The following TTLL7 variants were observed in gnomAD, a reference collection of about 807,000 sequenced individuals.
TTLL7 encodes tubulin polyglutamylase TTLL7.
In TTLL7, 53 loss-of-function variants were observed where a neutral mutation model predicts 120.2. The ratio of observed to expected loss-of-function variants is 0.44; its 90% CI spans 0.35 to 0.55. TTLL7 has a LOEUF of 0.55. Ranked by LOEUF, TTLL7 falls within the 20% of genes least tolerant of loss-of-function variation. The pLI is 0.00. For synonymous variants in TTLL7, 353 were observed against 351.7 expected (o/e 1.00, Z -0.04); for missense variants, 803 against 1,054.7 (o/e 0.76, Z 3.31).
intron 12 of TTLL7, 143 bp from the exon 13 acceptor site, chr1:83,919,977 CA>C: frequency 1.7e-6 from 1 of 582,848 alleles, no homozygotes; most frequent in Non-Finnish European, 2.8e-6. Context: ...CTGATTAGTG[CA>C]AAATGATATT....
chr1:83,928,032 T>A (rs1659283848), intron 10 of TTLL7, among the ~76,000 whole-genome samples: 2 of 152,146 alleles, frequency 1.3e-5, no homozygotes, highest in African/African-American at 4.8e-5. Flanking sequence ...TTCCCTTAGT[T>A]TTAAGTCTAG....
intron 7 of TTLL7, among the ~76,000 whole-genome samples, chr1:83,938,552 G>A (rs1468546879): frequency 5.3e-5 from 8 of 152,066 alleles, no homozygotes; most frequent in East Asian, 1.9e-4. Context: ...CCTTTAGCTC[G>A]GTACCACAGT....
intron 9 of TTLL7, among the ~76,000 whole-genome samples, chr1:83,929,813 G>A (rs572646651): frequency 3.3e-5 from 5 of 152,216 alleles, no homozygotes; most frequent in African/African-American, 1.2e-4. Flanking sequence ...AATAGCTGAT[G>A]TTTAAGAAAA....
chr1:83,970,006 T>G (rs1650830290), intron 1 of TTLL7, among the ~76,000 whole-genome samples: 1 of 152,020 alleles, frequency 6.6e-6, no homozygotes, highest in African/African-American at 2.4e-5. Context: ...CTGCTTCACA[T>G]GTCACAATTT....
rs541210417 is a variant in TTLL7 at position 83,919,395 on chromosome 1, G to A, written c.1500+304C>T. Among the ~76,000 whole-genome samples the A allele has an allele frequency of 4.7e-4, 72 of 151,970 alleles. 1 individual carries two copies. The highest frequency in any genetic ancestry group is 1.7e-3 in the African/African-American group (69 of 41,432). ...AAAATAAAAACGCTACAAACCACTA[G>A]GTTAATTCCATGGGTTTCTTTATCC... is the stretch of plus-strand genomic sequence containing the variant. On this transcript the variant is annotated intron_variant, in intron 13 of 20. Transcript: ENST00000260505.
At chr1:83,982,228 G>T (rs186861213) in intron 1 of TTLL7, among the ~76,000 whole-genome samples, 388 of 152,192 alleles carry the variant, frequency 2.5e-3, no homozygotes, top group African/African-American at 8.9e-3. Context: ...CTGAGTAAAA[G>T]TGAAAAGAAA....
At chr1:83,953,998 A>G in intron 1 of TTLL7, among the ~76,000 whole-genome samples, 1 of 152,314 alleles carries the variant, frequency 6.6e-6, no homozygotes, top group African/African-American at 2.4e-5. Flanking sequence ...AATAAAAGAA[A>G]GGAGTAGTGT....
intron 4 of TTLL7, 43 bp downstream of exon 4, chr1:83,949,822 T>TAAC (rs1648873053): frequency 6.2e-7 from 1 of 1,607,598 alleles, no homozygotes; most frequent in Non-Finnish European, 8.5e-7. Context: ...GGAATCCATA[T>TAAC]AACTTTCCTC....
At position 83,883,088 on chromosome 1, in the gene TTLL7, A is replaced by G. The variant is rs1456877540; in HGVS notation, c.2418T>C (p.Pro806=). The change falls in exon 20 of 21, where the codon CCT becomes CCC. Residue 806 remains proline, a synonymous_variant. Transcript: ENST00000260505. ...IFNKSPEVVT[P]LQLQCCQRLV... ...GGCGCTGGCAACACTGGAGCTGCAA[A>G]GGAGTCACCACCTCCGGGCTTTTAT... 1 of 1,611,818 alleles carries G rather than the reference A, an allele frequency of 6.2e-7. No individual in the cohort carries two copies. The highest frequency in any genetic ancestry group is 8.5e-7 in the Non-Finnish European group (1 of 1,178,840).
intron 18 of TTLL7, among the ~76,000 whole-genome samples, chr1:83,895,913 C>A (rs1050600467): frequency 1.3e-5 from 2 of 152,020 alleles, no homozygotes; most frequent in Non-Finnish European, 2.9e-5. Flanking sequence ...GGCACCCCCT[C>A]CTTTATGGCC....
At chr1:83,936,995 A>G (rs1647453628) in intron 8 of TTLL7, among the ~76,000 whole-genome samples, 1 of 152,128 alleles carries the variant, frequency 6.6e-6, no homozygotes, top group Admixed American at 6.6e-5. Flanking sequence ...ATGGCCTGTG[A>G]TATATAGAAA....
chr1:83,976,124 T>C (rs376082706), intron 1 of TTLL7, among the ~76,000 whole-genome samples: 6 of 151,782 alleles, frequency 4.0e-5, no homozygotes, highest in African/African-American at 1.2e-4. Context: ...TTACCATGGA[T>C]TGCAACCAAA....
At chr1:83,969,665 T>C (rs892676852) in intron 1 of TTLL7, among the ~76,000 whole-genome samples, 8 of 152,104 alleles carry the variant, frequency 5.3e-5, no homozygotes, top group Non-Finnish European at 8.8e-5. Flanking sequence ...TTGTCTAAAA[T>C]GTTGAAGCAC....
chr1:83,948,704 TA>T lies in TTLL7; in HGVS notation c.280-10del. The T allele has an allele frequency of 6.3e-7, 1 of 1,584,324 alleles. No individual in the cohort carries two copies. The highest frequency in any genetic ancestry group is 8.7e-7 in the Non-Finnish European group (1 of 1,154,468). On this transcript the variant is annotated splice_polypyrimidine_tract_variant and intron_variant, in intron 4 of 20. Transcript: ENST00000260505. ...GGAAAATGGTTGATCCTCTGGAAAA[TA>T]AAAAGGTAAATATTAATATTCTCAG... is the stretch of plus-strand genomic sequence containing the variant.
chr1:83,887,401 G>T, intron 19 of TTLL7: 1 of 245,492 alleles, frequency 4.1e-6, no homozygotes, highest in Non-Finnish European at 8.1e-6. Context: ...ACATTGAGAA[G>T]GCATGATTCA....
intron 18 of TTLL7, among the ~76,000 whole-genome samples, chr1:83,900,505 G>C (rs1412174856): frequency 2.6e-5 from 4 of 151,976 alleles, no homozygotes; most frequent in Non-Finnish European, 5.9e-5. Flanking sequence ...TGGTGTGTGA[G>C]ATTGTAAAGA....
chr1:83,926,099 T>A (rs1340631292), intron 10 of TTLL7, among the ~76,000 whole-genome samples: 1 of 143,346 alleles, frequency 7.0e-6, no homozygotes, highest in East Asian at 2.0e-4. Context: ...CCAGTCTCTT[T>A]TGGGACTCTG....
intron 14 of TTLL7, among the ~76,000 whole-genome samples, chr1:83,916,407 C>T (rs1169782833): frequency 1.3e-5 from 2 of 149,620 alleles, no homozygotes; most frequent in Non-Finnish European, 3.0e-5. Flanking sequence ...AACCAAACAC[C>T]GCATGTTCTC....
rs57275593 is a variant in TTLL7 at position 83,914,407 on chromosome 1, T to C, written c.1588-3044A>G. Among the ~76,000 whole-genome samples the C allele has an allele frequency of 7.0e-5, 10 of 143,142 alleles. No individual in the cohort carries two copies. The East Asian group carries it at 8.7e-4, about 12-fold the overall frequency. The allele number at this position is 143,142 out of a possible 152,430, so 93.9% of individuals were successfully genotyped here. On this transcript the variant is annotated intron_variant, in intron 14 of 20. Transcript: ENST00000260505. ...AGTGCAGTGGCGCGATCTTGGCTCATTGCAACCTCTGCCTCCCACGTTCAA... is the reference window on the plus strand; with the variant it reads ...AGTGCAGTGGCGCGATCTTGGCTCACTGCAACCTCTGCCTCCCACGTTCAA...
Sources: allele counts gnomAD v4.1 joint callset (sites outside exome capture counted in the v4.1 genomes callset), GRCh38; gene constraint gnomAD v4.1.1; transcripts MANE v1.5; gene names NCBI Gene and HGNC (gene_info 2026-07-23, HGNC 2026-07-21).